TBCK: variants seen among roughly 807,000 people sequenced by gnomAD.
The protein encoded by TBCK is TBC1 domain containing kinase, also known as TBC domain-containing protein kinase-like protein.
A neutral mutation model predicts 113.4 loss-of-function variants in TBCK; 99 were observed. The observed-to-expected ratio is 0.87, with a 90% CI of 0.74 to 1.03. The LOEUF (loss-of-function observed/expected upper bound fraction) is 1.03, where lower values mean the gene tolerates loss of function less well. TBCK is among the 50% of genes least tolerant of loss of function. The pLI is 0.00. For missense variants in TBCK, 1,045 were observed against 1,061.3 expected (o/e 0.98, Z 0.21); for synonymous variants, 369 against 370.8 (o/e 1.00, Z 0.05).
At chr4:106,090,934 G>GT (rs1183173197) in intron 25 of TBCK, among the ~76,000 whole-genome samples, 4 of 152,086 alleles carry the variant, frequency 2.6e-5, no homozygotes, top group Non-Finnish European at 5.9e-5. Flanking sequence ...TCATTTTCCT[G>GT]TCTTCTTCTG....
chr4:106,232,281 A>C (rs1758948844), intron 17 of TBCK, among the ~76,000 whole-genome samples: 1 of 151,894 alleles, frequency 6.6e-6, no homozygotes, highest in Non-Finnish European at 1.5e-5. Flanking sequence ...AATGTACATA[A>C]ATCTACCTAC....
intron 15 of TBCK, among the ~76,000 whole-genome samples, chr4:106,233,977 TTGTTA>T (rs990952401): frequency 4.1e-4 from 62 of 152,216 alleles, no homozygotes; most frequent in African/African-American, 1.4e-3. Flanking sequence ...TAACACAACC[TTGTTA>T]TGTTATATCT....
At chr4:106,130,589 TACACACACACAC>T (rs70941237) in intron 23 of TBCK, among the ~76,000 whole-genome samples, 56 of 142,508 alleles carry the variant, frequency 3.9e-4, no homozygotes, top group African/African-American at 7.3e-4. Context: ...TTGCGCTAAA[TACACACACACAC>T]ACACACACAC....
chr4:106,125,014 AAC>A (rs1233090077), intron 23 of TBCK, among the ~76,000 whole-genome samples: 5 of 148,048 alleles, frequency 3.4e-5, no homozygotes, highest in African/African-American at 1.0e-4. Flanking sequence ...AAAAAAAAAA[AAC>A]ACAATGTGAT....
intron 23 of TBCK, among the ~76,000 whole-genome samples, chr4:106,157,722 T>G (rs905537877): frequency 6.6e-6 from 1 of 152,116 alleles, no homozygotes; most frequent in Non-Finnish European, 1.5e-5. Flanking sequence ...CCTCAGTGCC[T>G]TTTTCAGTGA....
chr4:106,124,999 A>T (rs976631791), intron 23 of TBCK, among the ~76,000 whole-genome samples: 4 of 74,234 alleles, frequency 5.4e-5, no homozygotes, highest in African/African-American at 1.1e-4. Flanking sequence ...CTTAAAGTAT[A>T]AAAAAAAAAA....
intron 7 of TBCK, among the ~76,000 whole-genome samples, chr4:106,250,071 T>C (rs908357116): frequency 3.9e-5 from 6 of 152,126 alleles, no homozygotes; most frequent in African/African-American, 1.4e-4. Context: ...AATAGAAAGA[T>C]AGCCCAAAAG....
At chr4:106,181,843 C>A (rs1436113292) in intron 22 of TBCK, among the ~76,000 whole-genome samples, 1 of 152,104 alleles carries the variant, frequency 6.6e-6, no homozygotes, top group Admixed American at 6.6e-5. Flanking sequence ...ATTGTGTTGG[C>A]TATGTGGGCT....
chr4:106,236,829 T>C (rs2150011849), intron 12 of TBCK, 21 bp from the exon 13 acceptor site: 1 of 1,406,620 alleles, frequency 7.1e-7, no homozygotes, highest in East Asian at 2.5e-5. Context: ...AAAGACAAAA[T>C]ATTTATGTAT....
intron 22 of TBCK, among the ~76,000 whole-genome samples, chr4:106,187,240 T>A (rs1753126448): frequency 6.6e-6 from 1 of 151,964 alleles, no homozygotes; most frequent in Non-Finnish European, 1.5e-5. Context: ...TGGTTCCATA[T>A]AAATTTTAGA....
At chr4:106,187,074 T>C (rs1023929301) in intron 22 of TBCK, among the ~76,000 whole-genome samples, 2 of 152,294 alleles carry the variant, frequency 1.3e-5, no homozygotes, top group African/African-American at 4.8e-5. Flanking sequence ...TTCTGCGTTC[T>C]CTAACCCATT....
chr4:106,189,678 CAATTAT>C (rs1560789217), intron 22 of TBCK, among the ~76,000 whole-genome samples: 5 of 151,896 alleles, frequency 3.3e-5, no homozygotes, highest in African/African-American at 1.2e-4. Flanking sequence ...ATATTAATAT[CAATTAT>C]AGCATTCGTA....
At chr4:106,277,111 C>A (rs950165290) in intron 3 of TBCK, among the ~76,000 whole-genome samples, 1 of 152,054 alleles carries the variant, frequency 6.6e-6, no homozygotes, top group African/African-American at 2.4e-5. Flanking sequence ...CTTTGAATAT[C>A]ATGGGAATGC....
chr4:106,227,353 G>GA (rs1474850416), intron 19 of TBCK, among the ~76,000 whole-genome samples: 26 of 146,906 alleles, frequency 1.8e-4, no homozygotes, highest in Non-Finnish European at 2.8e-4. Flanking sequence ...ACATGATGCT[G>GA]AAAAAACAAA....
chr4:106,078,683 C>T (rs546125998), intron 25 of TBCK, among the ~76,000 whole-genome samples: 3 of 151,864 alleles, frequency 2.0e-5, no homozygotes, highest in Admixed American at 6.6e-5. Context: ...GATGGATTCA[C>T]AGCCAAATTC....
chr4:106,160,312 G>C (rs1441272481), intron 23 of TBCK, among the ~76,000 whole-genome samples: 2 of 151,828 alleles, frequency 1.3e-5, no homozygotes, highest in Non-Finnish European at 2.9e-5. Context: ...TGCATCAAAA[G>C]ACACTCAACA....
rs1430236219 is a variant in TBCK, at chr4:106,148,371, C to T, written c.2235+22724G>A. ...CGGAACCTATCGACATGTGATGTCT[C>T]CCCCGGATGCCCAGCTTTAAAATTT... is the stretch of plus-strand genomic sequence containing the variant. On this transcript the variant is annotated intron_variant, in intron 23 of 25. Coordinates refer to ENST00000394708, the MANE Select transcript of TBCK (RefSeq NM_001163435.3). Among the ~76,000 whole-genome samples, 3 of 152,122 alleles carry T rather than the reference C, an allele frequency of 2.0e-5. 1 individual carries two copies. The South Asian group carries it at 6.2e-4, about 32-fold the overall frequency.
At chr4:106,227,770 G>C (rs1404679464) in intron 19 of TBCK, among the ~76,000 whole-genome samples, 1 of 151,874 alleles carries the variant, frequency 6.6e-6, no homozygotes, top group Non-Finnish European at 1.5e-5. Context: ...TTTGTAGTCT[G>C]CTCTAAAAGA....
rs947140807 is a variant in TBCK, at chr4:106,236,444, C to T, written c.1296G>A (p.Glu432=). 4.4e-6 allele frequency: 7 copies of T among 1,575,992 alleles called. No homozygotes were observed. The highest frequency in any genetic ancestry group is 6.0e-6 in the Non-Finnish European group (7 of 1,159,916). The change falls in exon 14 of 26, where the codon GAG becomes GAA. Residue 432 remains glutamate (E), a synonymous_variant. Coordinates refer to ENST00000394708, the MANE Select transcript of TBCK (RefSeq NM_001163435.3). ...AAATLPLIIR[E]KDTEYQLNRI... ...TATTTAGTTGGTACTCTGTATCCTT[C>T]TCTCTGATGATTAAAGGGAGCGTGG...
Sources: gnomAD v4.1 joint callset for allele counts (sites outside exome capture counted in the v4.1 genomes callset) on GRCh38, gnomAD v4.1.1 for gene constraint, MANE v1.5 for transcripts, NCBI Gene and HGNC (gene_info 2026-07-23, HGNC 2026-07-21) for gene names.